The following SDK1 variants were observed in gnomAD, a reference collection of about 807,000 sequenced individuals.
The protein encoded by SDK1 is protein sidekick-1.
In SDK1, 157 loss-of-function variants were observed where a neutral mutation model predicts 245.5. The observed-to-expected ratio is 0.64, with a 90% CI of 0.56 to 0.73. SDK1 has a LOEUF of 0.73. Ranked by LOEUF, SDK1 falls within the 30% of genes least tolerant of loss-of-function variation. The pLI, the probability that SDK1 is intolerant of heterozygous loss-of-function variation, is 0.00. For missense variants in SDK1, 3,583 were observed against 3,002.3 expected (o/e 1.19, Z -4.52); for synonymous variants, 1,647 against 1,278.5 (o/e 1.29, Z -6.15).
chr7:3,389,775 C>A (rs936208023), intron 1 of SDK1, among the ~76,000 whole-genome samples: 9 of 151,788 alleles, frequency 5.9e-5, no homozygotes, highest in African/African-American at 1.9e-4. Context: ...AAAAAACTAA[C>A]GTGGAAGTTG....
intron 4 of SDK1, among the ~76,000 whole-genome samples, chr7:3,732,737 G>A (rs1354476050): frequency 6.6e-6 from 1 of 152,186 alleles, no homozygotes; most frequent in African/African-American, 2.4e-5. Flanking sequence ...GAGAGGGTAC[G>A]AAAACTTTAA....
rs751714681 is a variant in SDK1, at chr7:4,210,008, G to A, written c.5402-17G>A. The A allele has an allele frequency of 3.2e-6, 5 of 1,551,044 alleles. No individual in the cohort carries two copies. Among genetic ancestry groups the A allele is most frequent in the African/African-American group, 2.8e-5 (2 of 72,640 alleles). ...TAGGAGCCCCTGTAAAAGTCACTTTGTGTTCTATTCTCCCAGCCCCTGGGG... is the reference window on the plus strand; with the variant it reads ...TAGGAGCCCCTGTAAAAGTCACTTTATGTTCTATTCTCCCAGCCCCTGGGG... On this transcript the variant is annotated splice_polypyrimidine_tract_variant and intron_variant, in intron 37 of 44. Coordinates refer to ENST00000404826, the MANE Select transcript of SDK1 (RefSeq NM_152744.4).
intron 1 of SDK1, among the ~76,000 whole-genome samples, chr7:3,574,390 A>T (rs1383771068): frequency 1.3e-5 from 2 of 152,152 alleles, no homozygotes; most frequent in East Asian, 3.9e-4. Context: ...TGCTGGGATT[A>T]CAGGCATGAG....
chr7:3,707,243 T>A (rs1039591861), intron 4 of SDK1, among the ~76,000 whole-genome samples: 1 of 152,252 alleles, frequency 6.6e-6, no homozygotes, highest in South Asian at 2.1e-4. Context: ...GAAGTTTTGA[T>A]AACTTGTGTC....
At chr7:3,410,732 A>C (rs937322210) in intron 1 of SDK1, among the ~76,000 whole-genome samples, 2 of 151,894 alleles carry the variant, frequency 1.3e-5, no homozygotes, top group Non-Finnish European at 2.9e-5. Context: ...GGTTACAGGC[A>C]CACACTACCA....
chr7:4,206,066 G>A (rs954070988), intron 36 of SDK1, 72 bp downstream of exon 36: 2 of 1,000,690 alleles, frequency 2.0e-6, no homozygotes, highest in Non-Finnish European at 1.5e-6. Flanking sequence ...CCTGCCTACT[G>A]CATTGCCAGC....
chr7:4,139,711 GTGTGTGTGTATGTGTGTGTGTGTGTA>G (rs1779431398), intron 28 of SDK1, among the ~76,000 whole-genome samples: 1 of 40,220 alleles, frequency 2.5e-5, no homozygotes, highest in Non-Finnish European at 6.6e-5. Flanking sequence ...GTGTATGTGT[GTGTGTGTGTATGTGTGTGTGTGTGTA>G]TGTGTGTGTG....
At chr7:3,837,877 C>T (rs1333363774) in intron 5 of SDK1, among the ~76,000 whole-genome samples, 1 of 152,144 alleles carries the variant, frequency 6.6e-6, no homozygotes, top group African/African-American at 2.4e-5. Flanking sequence ...AAAAGGGATT[C>T]CTAGTCAAAC....
intron 4 of SDK1, among the ~76,000 whole-genome samples, chr7:3,801,007 C>T (rs1003160657): frequency 6.6e-6 from 1 of 152,210 alleles, no homozygotes; most frequent in Non-Finnish European, 1.5e-5. Flanking sequence ...ATGTCCTGAA[C>T]TCAGACATTT....
intron 1 of SDK1, among the ~76,000 whole-genome samples, chr7:3,605,859 A>C (rs1024809304): frequency 6.6e-6 from 1 of 151,930 alleles, no homozygotes; most frequent in East Asian, 1.9e-4. Context: ...GTTTTGGTTC[A>C]TTTAATTTGT....
rs1783015693 is a variant in SDK1 at position 3,651,580 on chromosome 7, T to C, written c.713+9475T>C. Among the ~76,000 whole-genome samples, 3 of 152,272 alleles carry C rather than the reference T, an allele frequency of 2.0e-5. No homozygotes were observed. The South Asian group carries it at 6.2e-4, about 32-fold the overall frequency. ...GAGATCTAGAGGACAGAGTAATCAA[T>C]AGACGTCCGATGGAGAAAATGGGGG... is the stretch of plus-strand genomic sequence containing the variant. On this transcript the variant is annotated intron_variant, in intron 4 of 44. Transcript: ENST00000404826.
intron 4 of SDK1, among the ~76,000 whole-genome samples, chr7:3,745,601 T>TA (rs1453760073): frequency 6.6e-6 from 1 of 152,176 alleles, no homozygotes; most frequent in African/African-American, 2.4e-5. Context: ...TAGATTCATT[T>TA]AATCGCCTCC....
At chr7:3,866,603 G>C (rs1445029303) in intron 5 of SDK1, among the ~76,000 whole-genome samples, 1 of 152,180 alleles carries the variant, frequency 6.6e-6, no homozygotes, top group Non-Finnish European at 1.5e-5. Flanking sequence ...GCACGCACTA[G>C]TTTTCATGCA....
At chr7:3,693,158 A>T (rs2114998102) in intron 4 of SDK1, among the ~76,000 whole-genome samples, 1 of 152,230 alleles carries the variant, frequency 6.6e-6, no homozygotes, top group South Asian at 2.1e-4. Flanking sequence ...TTTTACAAAT[A>T]AAATGTTGTA....
At chr7:3,403,853 AT>A (rs1319267099) in intron 1 of SDK1, among the ~76,000 whole-genome samples, 17 of 91,720 alleles carry the variant, frequency 1.9e-4, no homozygotes, top group East Asian at 3.2e-4. Flanking sequence ...ATATATATAT[AT>A]ATATATATAT....
At chr7:3,431,460 T>C (rs1326261725) in intron 1 of SDK1, among the ~76,000 whole-genome samples, 4 of 151,398 alleles carry the variant, frequency 2.6e-5, no homozygotes, top group African/African-American at 9.7e-5. Flanking sequence ...AACATATGCA[T>C]TGGTGTGGTC....
At chr7:3,607,719 A>C (rs2128640957) in intron 1 of SDK1, among the ~76,000 whole-genome samples, 1 of 152,370 alleles carries the variant, frequency 6.6e-6, no homozygotes, top group Middle Eastern at 3.4e-3. Flanking sequence ...GAAAGCCAAA[A>C]GTAAATGTGT....
chr7:3,890,442 AAGCTTGTTTTTTACCTTT>A (rs1217247469), intron 5 of SDK1, among the ~76,000 whole-genome samples: 4 of 152,220 alleles, frequency 2.6e-5, no homozygotes, highest in Non-Finnish European at 4.4e-5. Flanking sequence ...CAACATCATT[AAGCTTGTTTTTTACCTTT>A]TTCTTTGTAC....
chr7:3,409,937 G>C (rs796084229), intron 1 of SDK1, among the ~76,000 whole-genome samples: 4 of 152,206 alleles, frequency 2.6e-5, no homozygotes, highest in African/African-American at 9.6e-5. Context: ...CATAACAGGA[G>C]CCACTATTTG....
Sources: gnomAD v4.1 joint callset for allele counts (sites outside exome capture counted in the v4.1 genomes callset) on GRCh38, gnomAD v4.1.1 for gene constraint, MANE v1.5 for transcripts, NCBI Gene and HGNC (gene_info 2026-07-23, HGNC 2026-07-21) for gene names.